Variants in DTHD1 observed in about 807,000 individuals in gnomAD.
DTHD1 encodes the protein death domain-containing protein 1.
Under a neutral mutation model 74.8 loss-of-function variants are expected in DTHD1, and 59 were observed. The observed-to-expected ratio is 0.79, with a 90% CI of 0.64 to 0.98. The LOEUF (loss-of-function observed/expected upper bound fraction) is 0.98, where lower values mean the gene tolerates loss of function less well. Ranked by LOEUF, DTHD1 falls within the 50% of genes least tolerant of loss-of-function variation. DTHD1 has a pLI of 0.00. For missense variants in DTHD1, 1,051 were observed against 1,065.4 expected (o/e 0.99, Z 0.19); for synonymous variants, 365 against 371.1 (o/e 0.98, Z 0.19).
intron 5 of DTHD1, among the ~76,000 whole-genome samples, chr4:36,295,402 C>T (rs79158985): frequency 2.2e-4 from 34 of 152,082 alleles, no homozygotes; most frequent in Non-Finnish European, 4.6e-4. Flanking sequence ...TAGCTAGATG[C>T]TGACAATTGA....
rs532342195 is a variant in DTHD1 at position 36,315,476 on chromosome 4, G to C, written c.2096-766G>C. 2.0e-5 allele frequency: 3 copies of C among 152,300 alleles called. No homozygotes were observed. In the East Asian group the frequency reaches 5.8e-4, roughly 29 times the overall value. 9.4% of individuals were successfully genotyped at this position (152,300 alleles called of 1,614,324 possible). ...TATGCTGTCATTGAGACTTTTAAAT[G>C]TGGGTAGACTGACTGAGGAGTTAAA... On this transcript the variant is annotated intron_variant, in intron 7 of 9. Transcript: ENST00000639862.
rs1759626032 is a variant in DTHD1, at chr4:36,347,100, G to A, written c.*3276G>A. 6.6e-6 allele frequency among the ~76,000 whole-genome samples: 1 copy of A among 151,976 alleles called. No individual in the cohort carries two copies. The highest frequency in any genetic ancestry group is 2.1e-4 in the South Asian group (1 of 4,826). ...ACATGTATTTTATTTCCCAGAATGG[G>A]AGTCATATATTATATATACAGTTTT... On this transcript the variant is annotated 3_prime_UTR_variant, in exon 10 of 10. Transcript: ENST00000639862.
chr4:36,334,136 T>G (rs1230104213), intron 8 of DTHD1, among the ~76,000 whole-genome samples: 2 of 152,204 alleles, frequency 1.3e-5, no homozygotes, highest in African/African-American at 4.8e-5. Flanking sequence ...GATATATTTA[T>G]AGGGGTGCTA....
rs891859703 is a variant in DTHD1, at chr4:36,346,099, A to G, written c.*2275A>G. ...AACACACCTATTCACATACATAAAT[A>G]CATGTGCACACACACACACCCCTCA... On this transcript the variant is annotated 3_prime_UTR_variant, in exon 10 of 10. Transcript: ENST00000639862. Among the ~76,000 whole-genome samples the G allele has an allele frequency of 6.6e-6, 1 of 152,006 alleles. No homozygotes were observed. The highest frequency in any genetic ancestry group is 1.5e-5 in the Non-Finnish European group (1 of 67,978).
At chr4:36,294,738 A>G in intron 4 of DTHD1, 57 bp from the exon 5 acceptor site, 1 of 1,449,554 alleles carries the variant, frequency 6.9e-7, no homozygotes, top group Non-Finnish European at 9.1e-7. Flanking sequence ...TTAGAAATGT[A>G]CCAATAGTTT....
intron 8 of DTHD1, among the ~76,000 whole-genome samples, 171 bp from the exon 9 acceptor site, chr4:36,338,941 C>G (rs1759160699): frequency 6.6e-6 from 1 of 152,114 alleles, no homozygotes; most frequent in Non-Finnish European, 1.5e-5. Context: ...TTGGCTTTAT[C>G]TTAGGAAAAC....
At chr4:36,319,037 T>C (rs1252465849) in intron 8 of DTHD1, among the ~76,000 whole-genome samples, 1 of 152,234 alleles carries the variant, frequency 6.6e-6, no homozygotes, top group Non-Finnish European at 1.5e-5. Flanking sequence ...TCAGCTCAGA[T>C]GTCACTTGTT....
intron 8 of DTHD1, among the ~76,000 whole-genome samples, chr4:36,318,694 A>C (rs542145546): frequency 9.2e-5 from 13 of 141,122 alleles, no homozygotes; most frequent in Non-Finnish European, 1.8e-4. Context: ...GGCTCACTGC[A>C]AGCTCCGCCT....
intron 8 of DTHD1, among the ~76,000 whole-genome samples, chr4:36,328,877 C>G (rs1352329812): frequency 6.6e-6 from 1 of 152,160 alleles, no homozygotes; most frequent in African/African-American, 2.4e-5. Flanking sequence ...AAAACAATGT[C>G]CAATCAGGGC....
At chr4:36,284,648 A>ATAGT in intron 2 of DTHD1, 57 bp downstream of exon 2, 1 of 1,294,766 alleles carries the variant, frequency 7.7e-7, no homozygotes, top group East Asian at 2.5e-5. Flanking sequence ...GTGTGTTTCT[A>ATAGT]TAGTTAGTAC....
Position 36,292,273 on chromosome 4 carries a change from T to C in DTHD1, c.1219-1253T>C, listed in dbSNP as rs561818105. Among the ~76,000 whole-genome samples, 7 of 152,014 alleles carry C rather than the reference T, an allele frequency of 4.6e-5. No homozygotes were observed. The East Asian group carries it at 1.4e-3, about 29-fold the overall frequency. On this transcript the variant is annotated intron_variant, in intron 3 of 9. Coordinates refer to ENST00000639862, the MANE Select transcript of DTHD1 (RefSeq NM_001170700.3). ...TGTAGCCCACTTGTCACAAAATGGG[T>C]TTGGAAGATGTTCAGTAAATGGATA...
At position 36,345,763 on chromosome 4, in the gene DTHD1, CATT is replaced by C. The variant is rs1759554859; in HGVS notation, c.*1941_*1943del. 6.6e-6 allele frequency: 1 copy of C among 152,122 alleles called. No individual in the cohort carries two copies. Among genetic ancestry groups the C allele is most frequent in the Non-Finnish European group, 1.5e-5 (1 of 68,010 alleles). The allele number at this position is 152,122 out of a possible 1,614,324, so 9.4% of individuals were successfully genotyped here. A position where few individuals can be genotyped will look rare whatever the true frequency, so the allele number is the denominator to read the frequency against. ...AAATGAAAGTTGCTTCTTATCCTGTCATTAGAGATTACTATTATTAACATTTTT... is the reference window on the plus strand; with the variant it reads ...AAATGAAAGTTGCTTCTTATCCTGTCAGAGATTACTATTATTAACATTTTT... On this transcript the variant is annotated 3_prime_UTR_variant, in exon 10 of 10. Transcript: ENST00000639862.
At chr4:36,328,027 G>C (rs1046535879) in intron 8 of DTHD1, among the ~76,000 whole-genome samples, 1 of 150,734 alleles carries the variant, frequency 6.6e-6, no homozygotes, top group Non-Finnish European at 1.5e-5. Flanking sequence ...GATTTTCTAA[G>C]AAGCAAGCAA....
At position 36,283,728 on chromosome 4, in the gene DTHD1, T is replaced by C. The variant is rs1449526739; in HGVS notation, c.272-248T>C. On this transcript the variant is annotated intron_variant, in intron 1 of 9. Coordinates refer to ENST00000639862, the MANE Select transcript of DTHD1 (RefSeq NM_001170700.3). ...TGTCTTTAAATATTCGAAGTATCTT[T>C]ATAAGCAAGAGGGATTAGATTTACT... 10 of 479,236 alleles carry C rather than the reference T, an allele frequency of 2.1e-5. No individual in the cohort carries two copies. In the Admixed American group the frequency reaches 3.1e-4, roughly 15 times the overall value. 29.7% of individuals were successfully genotyped at this position (479,236 alleles called of 1,614,324 possible).
chr4:36,286,281 C>T (rs1755706499), intron 2 of DTHD1, among the ~76,000 whole-genome samples: 1 of 152,180 alleles, frequency 6.6e-6, no homozygotes, highest in Non-Finnish European at 1.5e-5. Flanking sequence ...CTCAAAGCAT[C>T]GGTTAATGAG....
chr4:36,286,664 AAC>A (rs1392413959), intron 2 of DTHD1, among the ~76,000 whole-genome samples: 3 of 152,202 alleles, frequency 2.0e-5, no homozygotes, highest in Non-Finnish European at 2.9e-5. Flanking sequence ...CAATTGTGCA[AAC>A]ACTGCAGAAT....
At chr4:36,292,458 A>ACAT (rs1756138111) in intron 3 of DTHD1, among the ~76,000 whole-genome samples, 1 of 152,226 alleles carries the variant, frequency 6.6e-6, no homozygotes, top group African/African-American at 2.4e-5. Flanking sequence ...GGATCGTATG[A>ACAT]CATTATAAAA....
intron 7 of DTHD1, among the ~76,000 whole-genome samples, chr4:36,315,119 T>C (rs888705309): frequency 6.6e-6 from 1 of 152,188 alleles, no homozygotes; most frequent in African/African-American, 2.4e-5. Flanking sequence ...TTCCTACAAA[T>C]TTTACAAATT....
At position 36,284,146 on chromosome 4, in the gene DTHD1, G is replaced by C; in HGVS notation, c.442G>C (p.Ala148Pro). 6.5e-7 allele frequency: 1 copy of C among 1,537,208 alleles called. No individual in the cohort carries two copies. The highest frequency in any genetic ancestry group is 8.7e-7 in the Non-Finnish European group (1 of 1,146,884). Residue 148 changes from alanine (A) to proline (P), a missense_variant, in exon 2 of 10, where the codon GCT (alanine) becomes CCT (proline). Transcript: ENST00000639862. ...TCAAGATACCAAAGCAGCAGACATT[G>C]CTGCAAGAGGGGAACTAAATGTCAT... ...SIQDTKAADIAARGELNVIET... is the reference protein window; with the variant it reads ...SIQDTKAADIPARGELNVIET...
Sources: gnomAD v4.1 joint callset for allele counts (sites outside exome capture counted in the v4.1 genomes callset) on GRCh38, gnomAD v4.1.1 for gene constraint, MANE v1.5 for transcripts, NCBI Gene and HGNC (gene_info 2026-07-23, HGNC 2026-07-21) for gene names.